Variants in SLC27A6 observed in about 807,000 individuals in gnomAD.
SLC27A6 encodes solute carrier family 27 member 6.
In SLC27A6, 74 loss-of-function variants were observed where a neutral mutation model predicts 63.9. The ratio of observed to expected loss-of-function variants is 1.16; its 90% CI spans 0.96 to 1.40. The LOEUF (loss-of-function observed/expected upper bound fraction) is 1.40. Ranked by LOEUF, SLC27A6 falls within the 40% of genes most tolerant of loss-of-function variation. The pLI is 0.00. For missense variants in SLC27A6, 794 were observed against 732.9 expected (o/e 1.08, Z -0.96); for synonymous variants, 287 against 260.8 (o/e 1.10, Z -0.97).
At chr5:128,980,502 T>C (rs1750546866) in intron 1 of SLC27A6, among the ~76,000 whole-genome samples, 1 of 152,202 alleles carries the variant, frequency 6.6e-6, no homozygotes, top group Admixed American at 6.5e-5. Flanking sequence ...TTTTTTGTTT[T>C]TAAGCCAGTG....
intron 6 of SLC27A6, among the ~76,000 whole-genome samples, chr5:129,025,104 T>G (rs1752192490): frequency 6.6e-6 from 1 of 152,186 alleles, no homozygotes; most frequent in Non-Finnish European, 1.5e-5. Flanking sequence ...GAACTGTGCT[T>G]ATGTAACCTC....
chr5:129,005,150 T>C (rs1276210946), intron 4 of SLC27A6, among the ~76,000 whole-genome samples: 1 of 152,154 alleles, frequency 6.6e-6, no homozygotes, highest in Non-Finnish European at 1.5e-5. Flanking sequence ...CAGCTGTTTT[T>C]TTTTAAAGGC....
chr5:129,015,297 A>G (rs115098845), intron 4 of SLC27A6, among the ~76,000 whole-genome samples: 6,790 of 152,286 alleles, frequency 0.045, 192 homozygotes, highest in African/African-American at 0.071. Flanking sequence ...AGAATATTGC[A>G]CATTCTAAAA....
chr5:128,965,908 G>A lies in SLC27A6; in HGVS notation c.-230G>A. 1 of 414,676 alleles carries A rather than the reference G, an allele frequency of 2.4e-6. No individual in the cohort carries two copies. The highest frequency in any genetic ancestry group is 4.2e-6 in the Non-Finnish European group (1 of 238,964). The allele number at this position is 414,676 out of a possible 1,614,324, so 25.7% of individuals were successfully genotyped here. A position where few individuals can be genotyped will look rare whatever the true frequency, so the allele number is the denominator to read the frequency against. ...GCTCCCTGCTTTCCAGCCGCCCAGT[G>A]ACCCAAGCTTAATCTTCAGCACCAC... On this transcript the variant is annotated 5_prime_UTR_variant, in exon 1 of 10. Coordinates refer to ENST00000262462, the MANE Select transcript of SLC27A6 (RefSeq NM_001017372.3).
intron 4 of SLC27A6, among the ~76,000 whole-genome samples, chr5:129,007,492 TAAAAG>T (rs1393250526): frequency 2.8e-5 from 4 of 144,408 alleles, no homozygotes; most frequent in Non-Finnish European, 4.6e-5. Flanking sequence ...AAAATCAAAT[TAAAAG>T]AAACAAATGC....
intron 5 of SLC27A6, among the ~76,000 whole-genome samples, chr5:129,017,520 A>G (rs1471004034): frequency 6.6e-6 from 1 of 152,116 alleles, no homozygotes; most frequent in Non-Finnish European, 1.5e-5. Flanking sequence ...AAGGAAATAA[A>G]AGGAAGGAAA....
Position 128,966,371 on chromosome 5 carries a change from C to T in SLC27A6, c.234C>T (p.Asp78=). The T allele has an allele frequency of 6.2e-7, 1 of 1,610,334 alleles. No homozygotes were observed. The highest frequency in any genetic ancestry group is 1.4e-5 in the African/African-American group (1 of 74,060). The change falls in exon 1 of 10, where the codon GAC becomes GAT. Residue 78 remains aspartate, a synonymous_variant. Transcript: ENST00000262462. ...AACCTTTCATCATCTATGAGGGAGA[C>T]ATCTACACCTATCAGGATGTAGACA... ...PRKPFIIYEG[D]IYTYQDVDKR...
At chr5:128,995,856 C>T (rs1213303792) in intron 4 of SLC27A6, among the ~76,000 whole-genome samples, 4 of 152,006 alleles carry the variant, frequency 2.6e-5, no homozygotes, top group African/African-American at 9.7e-5. Context: ...AAAATTAGAC[C>T]ACTTTGGGAT....
intron 4 of SLC27A6, among the ~76,000 whole-genome samples, chr5:128,995,562 G>A (rs1228732014): frequency 6.6e-6 from 1 of 152,140 alleles, no homozygotes; most frequent in African/African-American, 2.4e-5. Context: ...ATTAGATTTG[G>A]TGGTCAGGGA....
chr5:129,025,467 G>A (rs181625049), intron 6 of SLC27A6, among the ~76,000 whole-genome samples: 8 of 151,876 alleles, frequency 5.3e-5, no homozygotes, highest in African/African-American at 1.7e-4. Context: ...TATATACTCC[G>A]ACTCCTGCAT....
At position 129,016,080 on chromosome 5, in the gene SLC27A6, G is replaced by T; in HGVS notation, c.1164+1G>T. On this transcript the variant is annotated splice_donor_variant, in intron 5 of 9. Transcript: ENST00000262462. LOFTEE classifies it high-confidence loss of function. ...TGGGAGAACAAATTTGTTTTACAAA[G>T]TAAGTACAGCATTTTCCTTATTAAA... 4 of 1,586,660 alleles carry T rather than the reference G, an allele frequency of 2.5e-6. No homozygotes were observed. Among genetic ancestry groups the T allele is most frequent in the Non-Finnish European group, 3.4e-6 (4 of 1,169,378 alleles).
intron 1 of SLC27A6, among the ~76,000 whole-genome samples, chr5:128,979,344 A>G (rs1037209312): frequency 1.3e-5 from 2 of 151,904 alleles, no homozygotes; most frequent in African/African-American, 4.8e-5. Flanking sequence ...CTCAGACACA[A>G]GTTTGGAGTG....
At chr5:128,989,813 A>G (rs561007060) in intron 3 of SLC27A6, among the ~76,000 whole-genome samples, 49 of 151,206 alleles carry the variant, frequency 3.2e-4, no homozygotes, top group African/African-American at 1.1e-3. Context: ...AGTCCCAGCT[A>G]CTCGGGAGGC....
In SLC27A6 at chr5:128,977,682, C is replaced by G. The variant is rs1377888918; in HGVS notation, c.482-7451C>G. On this transcript the variant is annotated intron_variant, in intron 1 of 9. Transcript: ENST00000262462. ...CCACTATAACCAGGCTTCCCTCGTC[C>G]TTAAAATAAGGTTAATATTTACCTA... 3.3e-5 allele frequency among the ~76,000 whole-genome samples: 5 copies of G among 152,210 alleles called. No individual in the cohort carries two copies. The East Asian group carries it at 9.6e-4, about 29-fold the overall frequency.
At chr5:129,013,768 C>A (rs904242165) in intron 4 of SLC27A6, among the ~76,000 whole-genome samples, 1 of 152,094 alleles carries the variant, frequency 6.6e-6, no homozygotes, top group Non-Finnish European at 1.5e-5. Context: ...CTTCTCCATT[C>A]ATTTTATTAT....
chr5:128,988,803 A>C, intron 3 of SLC27A6, 45 bp downstream of exon 3: 3 of 1,460,974 alleles, frequency 2.1e-6, no homozygotes, highest in Non-Finnish European at 2.8e-6. Context: ...AATGTCTAAT[A>C]ATTAGAACAA....
intron 4 of SLC27A6, among the ~76,000 whole-genome samples, chr5:129,015,107 A>T (rs559208654): frequency 9.9e-5 from 15 of 152,256 alleles, no homozygotes; most frequent in African/African-American, 3.4e-4. Context: ...TTTGGTGATG[A>T]TGGAGGTAAT....
intron 4 of SLC27A6, among the ~76,000 whole-genome samples, chr5:129,001,319 G>A (rs755584698): frequency 3.2e-4 from 49 of 152,074 alleles, no homozygotes; most frequent in African/African-American, 9.4e-4. Flanking sequence ...CCAGTTCTCC[G>A]ACATCCTGTT....
chr5:128,966,449 G>A lies in SLC27A6; in HGVS notation c.312G>A (p.Lys104=), dbSNP rs756743158. The change falls in exon 1 of 10, where the codon AAG becomes AAA. Residue 104 remains lysine (K), a synonymous_variant. Coordinates refer to ENST00000262462, the MANE Select transcript of SLC27A6 (RefSeq NM_001017372.3). ...HVFLNHSSLK[K]GDTVALLMSN... is the part of the protein sequence containing the mutation. The stretch of plus-strand genomic sequence containing the variant: ...TCCTGAACCATTCCTCTCTGAAAAA[G>A]GGGGACACGGTGGCTCTGCTGATGA... The A allele has an allele frequency of 1.9e-6, 3 of 1,606,862 alleles. No individual in the cohort carries two copies. The highest frequency in any genetic ancestry group is 2.2e-5 in the East Asian group (1 of 44,840).
Sources: allele counts gnomAD v4.1 joint callset (sites outside exome capture counted in the v4.1 genomes callset), GRCh38; gene constraint gnomAD v4.1.1; transcripts MANE v1.5; gene names NCBI Gene and HGNC (gene_info 2026-07-23, HGNC 2026-07-21).